MAN2A1: variants seen among roughly 807,000 people sequenced by gnomAD.
The protein encoded by MAN2A1 is mannosidase alpha class 2A member 1, also known as alpha-mannosidase 2.
Under a neutral mutation model 142.6 loss-of-function variants are expected in MAN2A1, and 76 were observed. That is an observed-to-expected ratio of 0.53 (90% confidence interval 0.44 to 0.65). The LOEUF (loss-of-function observed/expected upper bound fraction) is 0.65. MAN2A1 is among the 30% of genes least tolerant of loss of function. MAN2A1 has a pLI of 0.00. For synonymous variants in MAN2A1, 559 were observed against 473.2 expected, an observed-to-expected ratio of 1.18 and a Z score of -2.35; for missense variants, 1,311 against 1,365.1, an observed-to-expected ratio of 0.96 and a Z score of 0.62.
At chr5:109,789,756 G>C (rs1029487614) in intron 12 of MAN2A1, among the ~76,000 whole-genome samples, 1 of 151,662 alleles carries the variant, frequency 6.6e-6, no homozygotes, top group Non-Finnish European at 1.5e-5. Context: ...ATTTCTCACA[G>C]ATATAAGGTA....
chr5:109,749,236 G>T (rs1249635042), intron 4 of MAN2A1, among the ~76,000 whole-genome samples: 1 of 152,112 alleles, frequency 6.6e-6, no homozygotes, highest in African/African-American at 2.4e-5. Context: ...GTGTCCTTCT[G>T]TGTGTGACCA....
intron 5 of MAN2A1, among the ~76,000 whole-genome samples, chr5:109,767,190 A>G (rs895545715): frequency 6.6e-6 from 1 of 152,174 alleles, no homozygotes; most frequent in Non-Finnish European, 1.5e-5. Context: ...CAGGACTGTG[A>G]TATCCTTCCA....
At chr5:109,706,290 A>G (rs1489967169) in intron 1 of MAN2A1, among the ~76,000 whole-genome samples, 2 of 152,192 alleles carry the variant, frequency 1.3e-5, no homozygotes, top group African/African-American at 4.8e-5. Context: ...GTCTGTTCTT[A>G]ATTATGACAC....
intron 4 of MAN2A1, among the ~76,000 whole-genome samples, chr5:109,742,977 C>T (rs902643459): frequency 6.6e-6 from 1 of 152,200 alleles, no homozygotes; most frequent in Non-Finnish European, 1.5e-5. Flanking sequence ...GTCATGGAGA[C>T]CTGTAAAAGC....
At chr5:109,835,546 C>T (rs1457311657) in intron 16 of MAN2A1, among the ~76,000 whole-genome samples, 1 of 152,144 alleles carries the variant, frequency 6.6e-6, no homozygotes, top group East Asian at 1.9e-4. Context: ...GGATTCTCGC[C>T]ATCACTTGTC....
chr5:109,690,349 C>T lies in MAN2A1; in HGVS notation c.-69C>T, dbSNP rs1750628529. ...AGAAGGGAGCCTCCGGCGGCTGCTTCCTAGAGTCCACAGTGCGCTGTCTCC... is the reference window on the plus strand; with the variant it reads ...AGAAGGGAGCCTCCGGCGGCTGCTTTCTAGAGTCCACAGTGCGCTGTCTCC... On this transcript the variant is annotated 5_prime_UTR_variant, in exon 1 of 22. Transcript: ENST00000261483. The T allele has an allele frequency of 1.3e-6, 2 of 1,576,538 alleles. No individual in the cohort carries two copies. The highest frequency in any genetic ancestry group is 1.7e-5 in the Admixed American group (1 of 59,850).
intron 10 of MAN2A1, among the ~76,000 whole-genome samples, chr5:109,786,991 A>G (rs1466281195): frequency 1.3e-5 from 2 of 152,042 alleles, no homozygotes; most frequent in Non-Finnish European, 2.9e-5. Flanking sequence ...TGCTGTCAAC[A>G]ATAGATCGAA....
chr5:109,803,792 T>A (rs1011085097), intron 12 of MAN2A1, among the ~76,000 whole-genome samples: 2 of 152,116 alleles, frequency 1.3e-5, no homozygotes, highest in African/African-American at 4.8e-5. Context: ...AAATTTTGAA[T>A]GATTCTGTTT....
chr5:109,860,748 T>G (rs1755734530), intron 20 of MAN2A1, among the ~76,000 whole-genome samples: 1 of 152,202 alleles, frequency 6.6e-6, no homozygotes, highest in African/African-American at 2.4e-5. Flanking sequence ...TCAGAATGGC[T>G]CAAATCCTAT....
intron 16 of MAN2A1, among the ~76,000 whole-genome samples, chr5:109,833,381 T>C (rs1423654712): frequency 6.6e-6 from 1 of 152,020 alleles, no homozygotes; most frequent in Non-Finnish European, 1.5e-5. Flanking sequence ...CTGGGCAACA[T>C]TGAGCACTGA....
chr5:109,765,513 G>A (rs1752966457), intron 5 of MAN2A1, among the ~76,000 whole-genome samples: 1 of 151,996 alleles, frequency 6.6e-6, no homozygotes, highest in African/African-American at 2.4e-5. Context: ...AACTAGTTAA[G>A]GTTTGTCTGC....
intron 4 of MAN2A1, among the ~76,000 whole-genome samples, chr5:109,739,072 GC>G (rs1043551428): frequency 6.6e-6 from 1 of 151,942 alleles, no homozygotes; most frequent in African/African-American, 2.4e-5. Context: ...GAACCCTTGG[GC>G]CCAAGTGATC....
chr5:109,808,974 A>T (rs1754248454), intron 12 of MAN2A1, among the ~76,000 whole-genome samples: 1 of 152,114 alleles, frequency 6.6e-6, no homozygotes, highest in Non-Finnish European at 1.5e-5. Context: ...AAGTGCTAGG[A>T]TTACAGGCAT....
rs1198906871 is a variant in MAN2A1, at chr5:109,867,518, T to G, written c.*520T>G. The G allele has an allele frequency of 1.3e-5, 2 of 152,662 alleles. No homozygotes were observed. The highest frequency in any genetic ancestry group is 4.8e-5 in the African/African-American group (2 of 41,456). 9.5% of individuals were successfully genotyped at this position (152,662 alleles called of 1,614,324 possible). A position where few individuals can be genotyped will look rare whatever the true frequency, so the allele number is the denominator to read the frequency against. On this transcript the variant is annotated 3_prime_UTR_variant, in exon 22 of 22. Transcript: ENST00000261483. The stretch of plus-strand genomic sequence containing the variant: ...GTGGAAAAGTGCAATCCATCCACCC[T>G]TATGATTAACGTAGATGATTTTTAT...
At chr5:109,812,107 G>A (rs533850115) in intron 12 of MAN2A1, among the ~76,000 whole-genome samples, 3 of 152,262 alleles carry the variant, frequency 2.0e-5, no homozygotes, top group African/African-American at 7.2e-5. Flanking sequence ...AATTGTTATT[G>A]AGATTCTTTT....
chr5:109,707,413 C>T (rs1167579734), intron 1 of MAN2A1, among the ~76,000 whole-genome samples: 1 of 151,956 alleles, frequency 6.6e-6, no homozygotes, highest in Non-Finnish European at 1.5e-5. Context: ...CCAATAAATA[C>T]CTAAGGTCCT....
chr5:109,821,101 A>T (rs1754610992), intron 15 of MAN2A1, among the ~76,000 whole-genome samples: 1 of 152,216 alleles, frequency 6.6e-6, no homozygotes, highest in African/African-American at 2.4e-5. Flanking sequence ...TAAAGAAAAC[A>T]TTAAAATTTA....
Position 109,713,549 on chromosome 5 carries a change from A to G in MAN2A1, c.165A>G (p.Ile55Met), listed in dbSNP as rs745328880. The G allele has an allele frequency of 1.6e-5, 26 of 1,610,608 alleles. No homozygotes were observed. The highest frequency in any genetic ancestry group is 1.6e-4 in the Middle Eastern group (1 of 6,072). ...AGCTCTCAATGTTGCAAGAAAAAAT[A>G]GACCATTTGGAGCGTTTGCTAGCTG... ...QGQLSMLQEK[I>M]DHLERLLAEN... The change falls in exon 2 of 22, where the codon ATA becomes ATG. Residue 55 changes from isoleucine to methionine, a missense_variant. Transcript: ENST00000261483.
chr5:109,798,012 A>C (rs1323276986), intron 12 of MAN2A1, among the ~76,000 whole-genome samples: 1 of 152,234 alleles, frequency 6.6e-6, no homozygotes, highest in African/African-American at 2.4e-5. Flanking sequence ...AGGTCAGTTC[A>C]GCTGACTGAT....
Sources: gnomAD v4.1 joint callset for allele counts (sites outside exome capture counted in the v4.1 genomes callset) on GRCh38, gnomAD v4.1.1 for gene constraint, MANE v1.5 for transcripts, NCBI Gene and HGNC (gene_info 2026-07-23, HGNC 2026-07-21) for gene names.